The following PRCD variants were observed in gnomAD, a reference collection of about 807,000 sequenced individuals.
The protein encoded by PRCD is photoreceptor disk component PRCD.
A neutral mutation model predicts 10.1 loss-of-function variants in PRCD; 12 were observed. The ratio of observed to expected loss-of-function variants is 1.18; its 90% CI spans 0.76 to 1.92. The LOEUF is 1.92. PRCD is among the 40% of genes most tolerant of loss of function. The pLI is 0.00. For synonymous variants in PRCD, 31 were observed against 26.2 expected (o/e 1.18, Z -0.56); for missense variants, 61 against 72.2 (o/e 0.84, Z 0.56).
intron 1 of PRCD, among the ~76,000 whole-genome samples, chr17:76,532,641 C>A (rs1232021590): frequency 2.7e-5 from 4 of 149,966 alleles, no homozygotes; most frequent in African/African-American, 9.8e-5. Context: ...AAGTGATTCT[C>A]TTGCCTCAGC....
chr17:76,541,860 T>C (rs1819770468), intron 2 of PRCD, among the ~76,000 whole-genome samples: 1 of 152,194 alleles, frequency 6.6e-6, no homozygotes, highest in South Asian at 2.1e-4. Context: ...AATCAGTTTA[T>C]TTATATGTAA....
rs1405498573 is a variant in PRCD at position 76,531,207 on chromosome 17, C to T, written n.45+3374C>T. On this transcript the variant is annotated intron_variant and non_coding_transcript_variant, in intron 1 of 4. Transcript: ENST00000397633. This position sits in a 1 kb window ranked among gnomAD's most constrained non-coding sequence, Gnocchi z 7.4. The stretch of plus-strand genomic sequence containing the variant: ...GCCCTGCGTCCTGCAACCCCCAGGC[C>T]CCTCCGCCCCACGTGTGGCCGAGAG... 7 of 1,518,340 alleles carry T rather than the reference C, an allele frequency of 4.6e-6. No homozygotes were observed. The highest frequency in any genetic ancestry group is 1.2e-5 in the South Asian group (1 of 84,376). 94.1% of individuals were successfully genotyped at this position (1,518,340 alleles called of 1,614,324 possible).
chr17:76,542,987 G>C (rs1181841619), intron 3 of PRCD, 42 bp from the exon 4 acceptor site: 1 of 490,606 alleles, frequency 2.0e-6, no homozygotes, highest in African/African-American at 2.0e-5. Flanking sequence ...CCCATCCCCA[G>C]GTGTGGGAGA....
At chr17:76,527,834 G>A (rs1452629450) in intron 1 of PRCD, 1 of 453,574 alleles carries the variant, frequency 2.2e-6, no homozygotes, top group South Asian at 1.6e-5. Context: ...AGGACAGCCG[G>A]TGAGTCAGTT....
At position 76,531,448 on chromosome 17, in the gene PRCD, G is replaced by T. The variant is rs753756272; in HGVS notation, n.45+3615G>T. 6 of 1,596,952 alleles carry T rather than the reference G, an allele frequency of 3.8e-6. No homozygotes were observed. In the African/African-American group the frequency reaches 5.4e-5, roughly 14 times the overall value. On this transcript the variant is annotated intron_variant and non_coding_transcript_variant, in intron 1 of 4. Coordinates refer to the PRCD transcript ENST00000397633. This position sits in a 1 kb window ranked among gnomAD's most constrained non-coding sequence, Gnocchi z 7.4. ...GGGCGGTGGGGGCTCTGCAGCAGAT[G>T]GGGGCGCATACCTTGAAGTACACCG...
At chr17:76,537,340 C>T (rs1383076205), upstream of PRCD, 11 of 1,496,552 alleles carry the variant, frequency 7.4e-6, no homozygotes, top group African/African-American at 1.5e-5. Flanking sequence ...CAGCCCTCCT[C>T]TGCCCGGAGC....
Position 76,528,109 on chromosome 17 carries a change from T to G in PRCD, n.45+276T>G. Reference sequence around the variant, plus strand: ...GGGCGCCGCGGATACACATTCTAGATATGTATGTGTGTATATATATATGTA... The same window carrying G: ...GGGCGCCGCGGATACACATTCTAGAGATGTATGTGTGTATATATATATGTA... On this transcript the variant is annotated intron_variant and non_coding_transcript_variant, in intron 1 of 4. Coordinates refer to the PRCD transcript ENST00000397633. This position sits in a 1 kb window ranked among gnomAD's most constrained non-coding sequence, Gnocchi z 5.8. 1.2e-5 allele frequency: 5 copies of G among 407,440 alleles called. No individual in the cohort carries two copies. Among genetic ancestry groups the G allele is most frequent in the Non-Finnish European group, 2.2e-5 (5 of 225,840 alleles). The allele number at this position is 407,440 out of a possible 1,614,324, so 25.2% of individuals were successfully genotyped here.
chr17:76,542,436 T>C, intron 2 of PRCD, 117 bp from the exon 3 acceptor site: 1 of 1,193,546 alleles, frequency 8.4e-7, no homozygotes, highest in South Asian at 1.2e-5. Flanking sequence ...CCTTAGGTGG[T>C]CCTGCCCCTC....
Position 76,543,128 on chromosome 17 carries a change from G to A in PRCD, c.*152+7G>A, listed in dbSNP as rs746835277. On this transcript the variant is annotated splice_region_variant and intron_variant, in intron 4 of 4. Transcript: ENST00000592014. The stretch of plus-strand genomic sequence containing the variant: ...GGAAGCAGCACTAGAGAAGGTAGAC[G>A]CCTCCCTCTCAGCCCGGGACCTGCC... The A allele has an allele frequency of 2.8e-5, 13 of 470,574 alleles. No homozygotes were observed. The highest frequency in any genetic ancestry group is 9.4e-5 in the Admixed American group (4 of 42,534). 29.1% of individuals were successfully genotyped at this position (470,574 alleles called of 1,614,324 possible).
At chr17:76,539,107 C>T (rs1051642239), upstream of PRCD, among the ~76,000 whole-genome samples, 2 of 152,082 alleles carry the variant, frequency 1.3e-5, no homozygotes, top group Non-Finnish European at 2.9e-5. Flanking sequence ...TCTAATGCCT[C>T]CTGGGGGTCT....
upstream of PRCD, among the ~76,000 whole-genome samples, chr17:76,536,141 C>T (rs1418523186): frequency 6.6e-6 from 1 of 152,194 alleles, no homozygotes; most frequent in Non-Finnish European, 1.5e-5. Context: ...GACTGTGTTT[C>T]TGGGCTTGGG....
chr17:76,532,828 C>T (rs901689145), intron 1 of PRCD, among the ~76,000 whole-genome samples: 15 of 152,162 alleles, frequency 9.9e-5, no homozygotes, highest in South Asian at 2.1e-4. Context: ...TGAGCCACCA[C>T]GCCCGGCCGA....
rs376871878 is a variant in PRCD at position 76,528,587 on chromosome 17, C to A, written n.45+754C>A. 1 of 1,286,420 alleles carries A rather than the reference C, an allele frequency of 7.8e-7. No homozygotes were observed. The highest frequency in any genetic ancestry group is 3.0e-5 in the East Asian group (1 of 33,324). 79.7% of individuals were successfully genotyped at this position (1,286,420 alleles called of 1,614,324 possible). On this transcript the variant is annotated intron_variant and non_coding_transcript_variant, in intron 1 of 4. Transcript: ENST00000397633. This position sits in a 1 kb window ranked among gnomAD's most constrained non-coding sequence, Gnocchi z 5.8. ...GGTGGAGTTAGGGGTCCTACGGCCC[C>A]GAAGAGGGCAGTGTGGCCGGTGGGC...
chr17:76,528,020 C>G lies in PRCD; in HGVS notation n.45+187C>G. ...GGGATTTCCTCTTTGCCAGAACACT[C>G]TGTTCTCTGCACAACCGGAACCCCT... On this transcript the variant is annotated intron_variant and non_coding_transcript_variant, in intron 1 of 4. Transcript: ENST00000397633. The surrounding 1 kb of genome is among the most constrained non-coding windows in gnomAD (Gnocchi z 5.8). 1 of 365,988 alleles carries G rather than the reference C, an allele frequency of 2.7e-6. No individual in the cohort carries two copies. The highest frequency in any genetic ancestry group is 6.8e-5 in the East Asian group (1 of 14,648). The allele number at this position is 365,988 out of a possible 1,614,324, so 22.7% of individuals were successfully genotyped here.
In PRCD at chr17:76,530,979, G is replaced by A. The variant is rs757383292; in HGVS notation, n.45+3146G>A. The A allele has an allele frequency of 5.6e-6, 9 of 1,597,324 alleles. No individual in the cohort carries two copies. In the African/African-American group the frequency reaches 8.1e-5, roughly 14 times the overall value. On this transcript the variant is annotated intron_variant and non_coding_transcript_variant, in intron 1 of 4. Coordinates refer to the PRCD transcript ENST00000397633. The surrounding 1 kb of genome is among the most constrained non-coding windows in gnomAD (Gnocchi z 6.1). ...AGCCCACCCTCGCCCGCCTCCTCAC[G>A]TGGTGGCGTTGGGGACCTGCTGCAC...
chr17:76,539,588 C>T (rs373465447), upstream of PRCD, among the ~76,000 whole-genome samples: 8 of 152,356 alleles, frequency 5.3e-5, no homozygotes, highest in Middle Eastern at 3.4e-3. Flanking sequence ...GATGCTTCCA[C>T]GGTGACATCA....
chr17:76,529,523 G>A, intron 1 of PRCD: 1 of 985,466 alleles, frequency 1.0e-6, no homozygotes, highest in Non-Finnish European at 1.2e-6. Context: ...CTCGCGCCCA[G>A]CCAGCTCTCT....
rs779170393 is a variant in PRCD, at chr17:76,528,620, G to A, written n.45+787G>A. 3.2e-5 allele frequency: 41 copies of A among 1,274,332 alleles called. No homozygotes were observed. The highest frequency in any genetic ancestry group is 1.2e-4 in the Admixed American group (3 of 25,836). 78.9% of individuals were successfully genotyped at this position (1,274,332 alleles called of 1,614,324 possible). A position where few individuals can be genotyped will look rare whatever the true frequency, so the allele number is the denominator to read the frequency against. The stretch of plus-strand genomic sequence containing the variant: ...GCAGTGTGGCCGGTGGGCTGTGGAC[G>A]AGATAGGAAGGGAAGGACAAACGTT... On this transcript the variant is annotated intron_variant and non_coding_transcript_variant, in intron 1 of 4. Transcript: ENST00000397633. This position sits in a 1 kb window ranked among gnomAD's most constrained non-coding sequence, Gnocchi z 5.8.
rs765956791 is a variant in PRCD, at chr17:76,540,247, T to TGGTG, written c.74+35_74+36insGGGT. Reference sequence around the variant, plus strand: ...AACTGACCGGGCTATGGCTGGCGGTTGGTCGGGGGGGGGGGGCATGGGGCT... The same window carrying TGGTG: ...AACTGACCGGGCTATGGCTGGCGGTTGGTGGGTCGGGGGGGGGGGGCATGGGGCT... On this transcript the variant is annotated intron_variant, in intron 1 of 4. Coordinates refer to ENST00000592014, the MANE Select transcript of PRCD (RefSeq NM_001077620.3). This position sits in a 1 kb window ranked among gnomAD's most constrained non-coding sequence, Gnocchi z 5.0. 10 of 218,302 alleles carry TGGTG rather than the reference T, an allele frequency of 4.6e-5. 3 individuals carry two copies. The highest frequency in any genetic ancestry group is 7.7e-5 in the Non-Finnish European group (10 of 129,612). The allele number at this position is 218,302 out of a possible 1,614,324, so 13.5% of individuals were successfully genotyped here. A position where few individuals can be genotyped will look rare whatever the true frequency, so the allele number is the denominator to read the frequency against.
Sources: allele counts gnomAD v4.1 joint callset (sites outside exome capture counted in the v4.1 genomes callset), GRCh38; gene constraint gnomAD v4.1.1; non-coding constraint Gnocchi (gnomAD v3.1); transcripts MANE v1.5; gene names NCBI Gene and HGNC (gene_info 2026-07-23, HGNC 2026-07-21).